ZC3HAV1: variants seen among roughly 807,000 people sequenced by gnomAD.
ZC3HAV1 encodes the protein zinc finger CCCH-type containing, antiviral 1.
A neutral mutation model predicts 86.6 loss-of-function variants in ZC3HAV1; 41 were observed. The observed-to-expected ratio is 0.47, with a 90% CI of 0.37 to 0.61. The LOEUF (loss-of-function observed/expected upper bound fraction) is 0.61, where lower values mean the gene tolerates loss of function less well. Ranked by LOEUF, ZC3HAV1 falls within the 20% of genes least tolerant of loss-of-function variation. The probability of loss-of-function intolerance (pLI) is 0.00; values close to 1 mark genes in which losing one functional copy is unlikely to be tolerated. For missense variants in ZC3HAV1, 964 were observed against 1,141.1 expected (o/e 0.84, Z 2.24); for synonymous variants, 421 against 432.1 (o/e 0.97, Z 0.32).
intron 1 of ZC3HAV1, among the ~76,000 whole-genome samples, chr7:139,099,814 C>A (rs1354839715): frequency 6.6e-6 from 1 of 152,098 alleles, no homozygotes; most frequent in Admixed American, 6.5e-5. Flanking sequence ...GTAATCCCAG[C>A]TACTTGGGAG....
intron 10 of ZC3HAV1, among the ~76,000 whole-genome samples, chr7:139,054,638 G>A (rs1816227843): frequency 6.6e-6 from 1 of 152,166 alleles, no homozygotes. Flanking sequence ...CATGGCTGTT[G>A]CGAGGATCTG....
In ZC3HAV1 at chr7:139,043,876, A is replaced by G. The variant is rs1815885300; in HGVS notation, c.*3718T>C. On this transcript the variant is annotated 3_prime_UTR_variant, in exon 13 of 13. Transcript: ENST00000242351. ...CCTTAGGAAAGTAACAGTTGAGCCAATCTAAGGATGCTAGATATTCAGTAG... is the reference window on the plus strand; with the variant it reads ...CCTTAGGAAAGTAACAGTTGAGCCAGTCTAAGGATGCTAGATATTCAGTAG... The G allele has an allele frequency of 1.3e-5, 2 of 152,356 alleles. No individual in the cohort carries two copies. The highest frequency in any genetic ancestry group is 1.9e-4 in the East Asian group (1 of 5,184). The allele number at this position is 152,356 out of a possible 1,614,324, so 9.4% of individuals were successfully genotyped here.
intron 7 of ZC3HAV1, among the ~76,000 whole-genome samples, chr7:139,068,755 G>C (rs184638980): frequency 3.3e-5 from 5 of 152,268 alleles, no homozygotes; most frequent in Admixed American, 3.3e-4. Flanking sequence ...ATGAACCCCG[G>C]TAGGTGGTGA....
chr7:139,077,825 A>G (rs2063001777), intron 5 of ZC3HAV1, among the ~76,000 whole-genome samples: 1 of 152,244 alleles, frequency 6.6e-6, no homozygotes. Context: ...AACAAAAAAG[A>G]CAGGTTTAGA....
intron 1 of ZC3HAV1, among the ~76,000 whole-genome samples, chr7:139,097,428 A>ATATATTTTTTTTT: frequency 1.2e-4 from 6 of 48,158 alleles, no homozygotes; most frequent in African/African-American, 4.5e-4. Context: ...ATATATATAT[A>ATATATTTTTTTTT]TTTTTTTTTT....
In ZC3HAV1 at chr7:139,053,491, G is replaced by C; in HGVS notation, c.2409C>G (p.Asp803Glu). ...TTTCATGAGTTTCATGTAGGAAACTGTCAAAATTATTCGAACAGATAGATT... is the reference window on the plus strand; with the variant it reads ...TTTCATGAGTTTCATGTAGGAAACTCTCAAAATTATTCGAACAGATAGATT... Reference protein sequence around the residue: ...YVESICSNNFDSFLHETHENK... With the variant: ...YVESICSNNFESFLHETHENK... Residue 803 changes from aspartate (D) to glutamate (E), a missense_variant, in exon 12 of 13, where the codon GAC (aspartate) becomes GAG (glutamate). Asp to Glu is a conservative substitution (Grantham distance 45). Transcript: ENST00000242351. 1 of 1,602,914 alleles carries C rather than the reference G, an allele frequency of 6.2e-7. No individual in the cohort carries two copies. Among genetic ancestry groups the C allele is most frequent in the Non-Finnish European group, 8.5e-7 (1 of 1,176,046 alleles).
intron 7 of ZC3HAV1, among the ~76,000 whole-genome samples, chr7:139,071,937 G>A (rs757982120): frequency 2.0e-5 from 3 of 152,204 alleles, no homozygotes; most frequent in Non-Finnish European, 2.9e-5. Context: ...CAGGGTTCCC[G>A]CCATGTGGCC....
chr7:139,078,726 A>C, intron 4 of ZC3HAV1, 73 bp from the exon 5 acceptor site: 1 of 1,079,084 alleles, frequency 9.3e-7, no homozygotes. Flanking sequence ...TTGGTCTCAC[A>C]ATGGGAAAGA....
At position 139,078,562 on chromosome 7, in the gene ZC3HAV1, A is replaced by G; in HGVS notation, c.1563T>C (p.Cys521=). ...CCTTAGGTTACTCACCATTAAGCGGACAACCCTTACACAGATGGTCAAGAC... is the reference window on the plus strand; with the variant it reads ...CCTTAGGTTACTCACCATTAAGCGGGCAACCCTTACACAGATGGTCAAGAC... ...EICLDHLCKG[C]PLNGSCSKVH... Residue 521 remains cysteine (C), a synonymous_variant, in exon 5 of 13, where the codon TGT becomes TGC. Coordinates refer to ENST00000242351, the MANE Select transcript of ZC3HAV1 (RefSeq NM_020119.4). 1 of 1,594,850 alleles carries G rather than the reference A, an allele frequency of 6.3e-7. No individual in the cohort carries two copies. The highest frequency in any genetic ancestry group is 1.2e-5 in the South Asian group (1 of 86,576).
chr7:139,057,080 G>T (rs1291000601), intron 9 of ZC3HAV1, among the ~76,000 whole-genome samples: 1 of 149,610 alleles, frequency 6.7e-6, no homozygotes, highest in African/African-American at 2.5e-5. Context: ...CAGGTGTGGT[G>T]GCTCATCCCT....
At chr7:139,079,361 G>A (rs776314929) in intron 4 of ZC3HAV1, 109 bp downstream of exon 4, 1 of 1,594,974 alleles carries the variant, frequency 6.3e-7, no homozygotes, top group Admixed American at 1.7e-5. Flanking sequence ...GCCAAAACCA[G>A]TGGCACCAGT....
chr7:139,083,814 G>A lies in ZC3HAV1; in HGVS notation c.663C>T (p.Ser221=). ...CTGGGGGATTCTTCTGCATGTGCTT[G>A]CTGTTGCAGATGTCCTGGATGTTCT... ...VVQNIQDICN[S]KHMQKNPPGP... is the part of the protein sequence containing the mutation. Residue 221 remains serine (S), a synonymous_variant, in exon 3 of 13, where the codon AGC becomes AGT. Transcript: ENST00000242351. 1 of 1,613,344 alleles carries A rather than the reference G, an allele frequency of 6.2e-7. No homozygotes were observed. Among genetic ancestry groups the A allele is most frequent in the South Asian group, 1.1e-5 (1 of 91,070 alleles).
At chr7:139,074,291 C>G (rs757714307) in intron 6 of ZC3HAV1, among the ~76,000 whole-genome samples, 4 of 152,144 alleles carry the variant, frequency 2.6e-5, no homozygotes, top group African/African-American at 7.2e-5. Flanking sequence ...ACTGTGCCCA[C>G]AAAACTCCTG....
intron 8 of ZC3HAV1, among the ~76,000 whole-genome samples, chr7:139,064,342 G>A (rs891188191): frequency 1.3e-5 from 2 of 152,244 alleles, no homozygotes; most frequent in Non-Finnish European, 2.9e-5. Context: ...AACACAGCAG[G>A]TAGATTGGCG....
chr7:139,102,728 TACACACAC>T (rs113108708), intron 1 of ZC3HAV1, among the ~76,000 whole-genome samples: 2,916 of 139,376 alleles, frequency 0.021, 90 homozygotes, highest in African/African-American at 0.073. Context: ...ACTGTCTCTA[TACACACAC>T]ACACACACAC....
chr7:139,106,797 A>T (rs1015135481), intron 1 of ZC3HAV1, among the ~76,000 whole-genome samples: 1 of 150,472 alleles, frequency 6.6e-6, no homozygotes, highest in African/African-American at 2.4e-5. Flanking sequence ...CATAGTTCTT[A>T]TGTTTTAGAG....
chr7:139,068,028 TTATTATTATTA>T, intron 7 of ZC3HAV1, among the ~76,000 whole-genome samples: 1 of 48,760 alleles, frequency 2.1e-5, no homozygotes, highest in East Asian at 7.5e-4. Flanking sequence ...TCTTTCTTTA[TTATTATTATTA>T]TTATTATTAT....
At chr7:139,093,701 T>C (rs7780069) in intron 1 of ZC3HAV1, among the ~76,000 whole-genome samples, 39,943 of 151,972 alleles carry the variant, frequency 0.26, 6,556 homozygotes, top group African/African-American at 0.45. Context: ...GGCCCCACCC[T>C]CATCTCCCTT....
rs930564002 is a variant in ZC3HAV1 at position 139,047,013 on chromosome 7, T to C, written c.*581A>G. 6.5e-5 allele frequency: 10 copies of C among 153,216 alleles called. No individual in the cohort carries two copies. The highest frequency in any genetic ancestry group is 5.9e-4 in the Admixed American group (9 of 15,298). 9.5% of individuals were successfully genotyped at this position (153,216 alleles called of 1,614,324 possible). On this transcript the variant is annotated 3_prime_UTR_variant, in exon 13 of 13. Coordinates refer to ENST00000242351, the MANE Select transcript of ZC3HAV1 (RefSeq NM_020119.4). ...AGGTAAACTTTCCAACACATTGGAATCATCAGAAGGGCTTTAAAAAATACA... is the reference window on the plus strand; with the variant it reads ...AGGTAAACTTTCCAACACATTGGAACCATCAGAAGGGCTTTAAAAAATACA...
Sources: gnomAD v4.1 joint callset for allele counts (sites outside exome capture counted in the v4.1 genomes callset) on GRCh38, gnomAD v4.1.1 for gene constraint, MANE v1.5 for transcripts, NCBI Gene and HGNC (gene_info 2026-07-23, HGNC 2026-07-21) for gene names.